Variants in CACNA2D3 observed in about 807,000 individuals in gnomAD.
CACNA2D3 encodes voltage-dependent calcium channel subunit alpha-2/delta-3.
CACNA2D3 carries 60 observed loss-of-function variants against 160.6 expected under a neutral mutation model. The ratio of observed to expected loss-of-function variants is 0.37; its 90% confidence interval spans 0.30 to 0.46. The LOEUF (loss-of-function observed/expected upper bound fraction) is 0.46. CACNA2D3 is among the 20% of genes least tolerant of loss of function. The pLI is 1.00. For missense variants in CACNA2D3, 1,205 were observed against 1,365.0 expected, an observed-to-expected ratio of 0.88 and a Z score of 1.85; for synonymous variants, 558 against 492.9, an observed-to-expected ratio of 1.13 and a Z score of -1.75.
intron 14 of CACNA2D3, among the ~76,000 whole-genome samples, chr3:54,831,367 G>T (rs187381059): frequency 1.4e-3 from 208 of 152,306 alleles, no homozygotes; most frequent in Admixed American, 4.4e-3. Context: ...GCTTCCAGCT[G>T]CAGGAGAAAC....
At chr3:54,169,631 G>A (rs370421461) in intron 2 of CACNA2D3, among the ~76,000 whole-genome samples, 2 of 152,134 alleles carry the variant, frequency 1.3e-5, no homozygotes, top group African/African-American at 4.8e-5. Context: ...AGTGATAGTA[G>A]TGTGCATGTA....
At chr3:54,885,145 G>C (rs907137626) in intron 21 of CACNA2D3, 136 bp from the exon 22 acceptor site, 2 of 760,346 alleles carry the variant, frequency 2.6e-6, no homozygotes, top group Admixed American at 2.5e-5. Context: ...AAATAAACCT[G>C]CTGCTCCAAG....
intron 11 of CACNA2D3, among the ~76,000 whole-genome samples, chr3:54,739,751 ATGTGTGTGTGTGTGTGTGTGTGTGTG>A (rs5849058): frequency 6.9e-6 from 1 of 145,848 alleles, no homozygotes; most frequent in African/African-American, 2.6e-5. Flanking sequence ...CTCCTCATAT[ATGTGTGTGTGTGTGTGTGTGTGTGTG>A]TGTGTGTGTG....
intron 4 of CACNA2D3, among the ~76,000 whole-genome samples, chr3:54,501,936 T>C (rs1159435641): frequency 6.6e-6 from 1 of 152,238 alleles, no homozygotes; most frequent in Non-Finnish European, 1.5e-5. Flanking sequence ...TTGAACACTT[T>C]TTAAGTGGTT....
rs552848902 is a variant in CACNA2D3 at position 54,682,875 on chromosome 3, C to G, written c.1167+40634C>G. On this transcript the variant is annotated intron_variant, in intron 11 of 37. Transcript: ENST00000474759. ...TTCTTACCATCCCACCACCCACTGC[C>G]TTCTCTGAAGTCGAGTCAGTCTTGA... 3.9e-5 allele frequency among the ~76,000 whole-genome samples: 6 copies of G among 152,268 alleles called. No individual in the cohort carries two copies. In the South Asian group the frequency reaches 1.2e-3, roughly 32 times the overall value.
At chr3:54,925,681 A>G (rs898353899) in intron 27 of CACNA2D3, among the ~76,000 whole-genome samples, 1 of 152,234 alleles carries the variant, frequency 6.6e-6, no homozygotes, top group South Asian at 2.1e-4. Context: ...AGTGTCCTAC[A>G]TCTGCTTTCC....
intron 14 of CACNA2D3, among the ~76,000 whole-genome samples, chr3:54,836,233 T>C (rs958690670): frequency 4.8e-5 from 7 of 146,564 alleles, no homozygotes; most frequent in African/African-American, 1.8e-4. Flanking sequence ...TTTCTTTTTT[T>C]TTTTTTTTGT....
chr3:54,687,631 A>G (rs1280053399), intron 11 of CACNA2D3, among the ~76,000 whole-genome samples: 1 of 152,220 alleles, frequency 6.6e-6, no homozygotes, highest in East Asian at 1.9e-4. Flanking sequence ...ATTTCAGTAA[A>G]GGATAATTGA....
intron 2 of CACNA2D3, among the ~76,000 whole-genome samples, chr3:54,240,721 G>A (rs1701959135): frequency 6.6e-6 from 1 of 152,020 alleles, no homozygotes; most frequent in African/African-American, 2.4e-5. Flanking sequence ...AATAAAGTTT[G>A]GAGTTTTGTT....
chr3:54,251,937 C>G (rs1351783620), intron 2 of CACNA2D3, among the ~76,000 whole-genome samples: 3 of 152,140 alleles, frequency 2.0e-5, no homozygotes, highest in Non-Finnish European at 2.9e-5. Context: ...ACTGTTCCAG[C>G]TTGCCTGTTG....
intron 2 of CACNA2D3, among the ~76,000 whole-genome samples, chr3:54,262,003 G>A (rs986040618): frequency 2.6e-5 from 4 of 152,254 alleles, no homozygotes; most frequent in South Asian, 2.1e-4. Context: ...TCTCCTGGGG[G>A]CTGTGAATGC....
At chr3:54,938,525 C>T (rs1234530234) in intron 27 of CACNA2D3, among the ~76,000 whole-genome samples, 2 of 152,054 alleles carry the variant, frequency 1.3e-5, no homozygotes, top group East Asian at 1.9e-4. Context: ...AGCCCAAATG[C>T]CCCTAAAGTA....
chr3:54,602,893 C>T (rs1447217021), intron 9 of CACNA2D3, among the ~76,000 whole-genome samples: 1 of 152,168 alleles, frequency 6.6e-6, no homozygotes, highest in Non-Finnish European at 1.5e-5. Flanking sequence ...TCACACTCCT[C>T]ACATTGCAGA....
At chr3:54,982,122 G>A (rs367967604) in intron 29 of CACNA2D3, among the ~76,000 whole-genome samples, 16 of 152,178 alleles carry the variant, frequency 1.1e-4, no homozygotes, top group African/African-American at 3.4e-4. Flanking sequence ...CTGTGGTCCT[G>A]TACATGCCTT....
At chr3:54,328,881 G>A (rs575263566) in intron 3 of CACNA2D3, among the ~76,000 whole-genome samples, 1 of 152,316 alleles carries the variant, frequency 6.6e-6, no homozygotes, top group South Asian at 2.1e-4. Flanking sequence ...CCTGACTTTG[G>A]GGTGCCAGCT....
intron 35 of CACNA2D3, among the ~76,000 whole-genome samples, chr3:55,045,879 A>G (rs550106292): frequency 2.1e-3 from 315 of 151,936 alleles, no homozygotes; most frequent in Non-Finnish European, 3.7e-3. Flanking sequence ...ATTGTTTTCT[A>G]TTCTCAATTC....
intron 11 of CACNA2D3, among the ~76,000 whole-genome samples, chr3:54,656,292 C>A (rs1239731706): frequency 6.6e-6 from 1 of 152,220 alleles, no homozygotes; most frequent in Non-Finnish European, 1.5e-5. Flanking sequence ...CTCATTCACT[C>A]CCTTGGCAAA....
chr3:54,983,176 G>A (rs1702543774), intron 29 of CACNA2D3, among the ~76,000 whole-genome samples: 1 of 152,172 alleles, frequency 6.6e-6, no homozygotes, highest in South Asian at 2.1e-4. Flanking sequence ...TATAATCTAA[G>A]ACATTGCTGT....
At chr3:54,922,730 C>T (rs971194087) in intron 27 of CACNA2D3, among the ~76,000 whole-genome samples, 2 of 152,076 alleles carry the variant, frequency 1.3e-5, no homozygotes, top group Non-Finnish European at 2.9e-5. Flanking sequence ...TCCAACTCAA[C>T]GACTCCCCAT....
Sources: gnomAD v4.1 joint callset for allele counts (sites outside exome capture counted in the v4.1 genomes callset) on GRCh38, gnomAD v4.1.1 for gene constraint, MANE v1.5 for transcripts, NCBI Gene and HGNC (gene_info 2026-07-23, HGNC 2026-07-21) for gene names.